Variants in MYO3A observed in about 807,000 individuals in gnomAD.
MYO3A encodes the protein myosin IIIA.
MYO3A carries 180 observed loss-of-function variants against 192.7 expected under a neutral mutation model. The observed-to-expected ratio is 0.93, with a 90% CI of 0.83 to 1.06. MYO3A has a LOEUF of 1.06. Among genes scored for constraint, MYO3A ranks in the 50% least tolerant of loss-of-function variants. The pLI is 0.00. For missense variants in MYO3A, 1,896 were observed against 1,905.0 expected (o/e 1.00, Z 0.09); for synonymous variants, 628 against 645.3 (o/e 0.97, Z 0.41).
chr10:26,179,316 T>A (rs1253225954), intron 31 of MYO3A, among the ~76,000 whole-genome samples: 3 of 151,694 alleles, frequency 2.0e-5, no homozygotes, highest in Admixed American at 6.6e-5. Context: ...TTGGCCAGGC[T>A]GACCTCAAAC....
chr10:26,096,582 A>G lies in MYO3A; in HGVS notation c.1676A>G (p.Asp559Gly). The change falls in exon 17 of 35, where the codon GAC becomes GGC. Residue 559 changes from aspartate (D) to glycine (G), a missense_variant. Coordinates refer to ENST00000642920, the MANE Select transcript of MYO3A (RefSeq NM_017433.5). ...ENKPPRYLQN[D>G]HLRTVQDIMN... ...ATTTTTTTTAGGTACCTACAAAATGACCACCTCAGAACAGTACAAGACATC... is the reference window on the plus strand; with the variant it reads ...ATTTTTTTTAGGTACCTACAAAATGGCCACCTCAGAACAGTACAAGACATC... The G allele has an allele frequency of 6.2e-7, 1 of 1,602,226 alleles. No individual in the cohort carries two copies.
At chr10:26,081,852 A>T (rs917257009) in intron 14 of MYO3A, among the ~76,000 whole-genome samples, 1 of 152,080 alleles carries the variant, frequency 6.6e-6, no homozygotes, top group Non-Finnish European at 1.5e-5. Flanking sequence ...TCCAGTGGGG[A>T]TGTGTGTTCG....
chr10:26,114,952 G>T (rs1290230437), intron 17 of MYO3A, among the ~76,000 whole-genome samples: 1 of 152,218 alleles, frequency 6.6e-6, no homozygotes, highest in Non-Finnish European at 1.5e-5. Flanking sequence ...AACAGCATAA[G>T]CCAGAACTGA....
intron 31 of MYO3A, among the ~76,000 whole-genome samples, chr10:26,184,395 A>G (rs545399605): frequency 3.3e-4 from 50 of 152,332 alleles, no homozygotes; most frequent in African/African-American, 1.1e-3. Context: ...CAAAAACTGA[A>G]AAGTTGATTT....
intron 15 of MYO3A, among the ~76,000 whole-genome samples, chr10:26,094,332 A>G (rs930049493): frequency 1.3e-5 from 2 of 151,898 alleles, no homozygotes; most frequent in African/African-American, 4.8e-5. Context: ...ACTCCACTGC[A>G]TTATTGGAAG....
chr10:26,098,053 T>C, intron 17 of MYO3A, among the ~76,000 whole-genome samples: 2 of 152,196 alleles, frequency 1.3e-5, no homozygotes, highest in Non-Finnish European at 2.9e-5. Flanking sequence ...AGTGTTCCTA[T>C]TTCTCCACAT....
intron 6 of MYO3A, among the ~76,000 whole-genome samples, chr10:26,010,994 G>A (rs1841611925): frequency 2.0e-5 from 3 of 151,804 alleles, no homozygotes; most frequent in African/African-American, 4.9e-5. Context: ...GTCAAATATA[G>A]CATTCTGTTT....
At chr10:26,004,368 A>C (rs556911805) in intron 6 of MYO3A, among the ~76,000 whole-genome samples, 3 of 152,198 alleles carry the variant, frequency 2.0e-5, no homozygotes, top group African/African-American at 7.2e-5. Context: ...AAAGAATTAT[A>C]GTGATGTTGG....
At position 26,174,393 on chromosome 10, in the gene MYO3A, C is replaced by T; in HGVS notation, c.4129C>T (p.Gln1377Ter). 1 of 1,614,142 alleles carries T rather than the reference C, an allele frequency of 6.2e-7. No individual in the cohort carries two copies. The highest frequency in any genetic ancestry group is 8.5e-7 in the Non-Finnish European group (1 of 1,180,038). ...RKDKMSSFKH[Q>*]RIVTTPTEVA... Reference sequence around the variant, plus strand: ...GGACAAGATGTCTTCTTTTAAGCATCAGAGGATTGTCACAACACCAACAGA... The same window carrying T: ...GGACAAGATGTCTTCTTTTAAGCATTAGAGGATTGTCACAACACCAACAGA... Residue 1377 changes from glutamine to a stop codon, truncating the protein, a stop_gained, in exon 30 of 35, where the codon CAG becomes TAG. Coordinates refer to ENST00000642920, the MANE Select transcript of MYO3A (RefSeq NM_017433.5). LOFTEE classifies it high-confidence loss of function.
At chr10:26,200,293 T>C (rs976966449) in intron 32 of MYO3A, among the ~76,000 whole-genome samples, 1 of 152,228 alleles carries the variant, frequency 6.6e-6, no homozygotes, top group African/African-American at 2.4e-5. Flanking sequence ...ACTGTGTCTC[T>C]AAGAATACTG....
At chr10:26,068,714 G>T in intron 11 of MYO3A, 54 bp from the exon 12 acceptor site, 1 of 1,174,640 alleles carries the variant, frequency 8.5e-7, no homozygotes, top group Non-Finnish European at 1.3e-6. Flanking sequence ...TTTTTAAATT[G>T]TAGTTGACCA....
At chr10:26,101,144 T>C (rs1308652710) in intron 17 of MYO3A, among the ~76,000 whole-genome samples, 2 of 152,230 alleles carry the variant, frequency 1.3e-5, no homozygotes, top group East Asian at 3.8e-4. Context: ...CCTTTACCAT[T>C]ATGTAATGGC....
rs1489062814 is a variant in MYO3A at position 26,122,389 on chromosome 10, G to C, written c.1903+1587G>C. Reference sequence around the variant, plus strand: ...ACATTAAAATGATTTCTAATTGAAAGTTATAAGGAATTATGTCCAAACCAA... The same window carrying C: ...ACATTAAAATGATTTCTAATTGAAACTTATAAGGAATTATGTCCAAACCAA... On this transcript the variant is annotated intron_variant, in intron 18 of 34. Coordinates refer to ENST00000642920, the MANE Select transcript of MYO3A (RefSeq NM_017433.5). 2.0e-5 allele frequency among the ~76,000 whole-genome samples: 3 copies of C among 152,168 alleles called. No individual in the cohort carries two copies. In the East Asian group the frequency reaches 5.8e-4, roughly 29 times the overall value.
At chr10:26,141,152 C>T (rs1013670278) in intron 20 of MYO3A, among the ~76,000 whole-genome samples, 25 of 152,248 alleles carry the variant, frequency 1.6e-4, no homozygotes, top group Middle Eastern at 3.4e-3. Flanking sequence ...TGGTCTCGAT[C>T]TTCTGACCTC....
At chr10:26,027,850 T>C (rs1374187972) in intron 10 of MYO3A, among the ~76,000 whole-genome samples, 2 of 152,212 alleles carry the variant, frequency 1.3e-5, no homozygotes, top group African/African-American at 4.8e-5. Flanking sequence ...TAATTGTTTT[T>C]ACTCTCTCAA....
chr10:25,940,628 A>G (rs993410654), intron 2 of MYO3A, among the ~76,000 whole-genome samples: 4 of 152,142 alleles, frequency 2.6e-5, no homozygotes, highest in Non-Finnish European at 5.9e-5. Context: ...CTCAGGGGTC[A>G]GTGGTGTTAA....
intron 26 of MYO3A, among the ~76,000 whole-genome samples, chr10:26,162,700 C>T (rs1264190587): frequency 6.6e-6 from 1 of 152,200 alleles, no homozygotes; most frequent in African/African-American, 2.4e-5. Context: ...AGATTTCAAT[C>T]TGATATTTAT....
chr10:26,036,021 C>T (rs574262199), intron 10 of MYO3A, among the ~76,000 whole-genome samples: 1 of 152,064 alleles, frequency 6.6e-6, no homozygotes, highest in African/African-American at 2.4e-5. Flanking sequence ...GCAAGTTCTG[C>T]CTCCCGGGTT....
intron 4 of MYO3A, among the ~76,000 whole-genome samples, chr10:25,964,585 A>G (rs937112596): frequency 6.6e-6 from 1 of 151,994 alleles, no homozygotes; most frequent in Admixed American, 6.6e-5. Flanking sequence ...ATTATTTTTG[A>G]TTGGTTCATC....
Sources: allele counts gnomAD v4.1 joint callset (sites outside exome capture counted in the v4.1 genomes callset), GRCh38; gene constraint gnomAD v4.1.1; transcripts MANE v1.5; gene names NCBI Gene and HGNC (gene_info 2026-07-23, HGNC 2026-07-21).